The following PRKDC variants were observed in gnomAD, a reference collection of about 807,000 sequenced individuals.
PRKDC encodes the protein DNA-dependent protein kinase catalytic subunit.
Under a neutral mutation model 486.9 loss-of-function variants are expected in PRKDC, and 82 were observed. That is an observed-to-expected ratio of 0.17 (90% CI 0.14 to 0.20). PRKDC has a LOEUF of 0.20. Ranked by LOEUF, PRKDC falls within the 10% of genes least tolerant of loss-of-function variation. The pLI, the probability that PRKDC is intolerant of heterozygous loss-of-function variation, is 1.00. For synonymous variants in PRKDC, 1,895 were observed against 1,837.0 expected (o/e 1.03, Z -0.81); for missense variants, 4,504 against 5,038.2 (o/e 0.89, Z 3.21).
chr8:47,839,108 C>A, intron 56 of PRKDC, 40 bp downstream of exon 56: 1 of 1,470,746 alleles, frequency 6.8e-7, no homozygotes, highest in South Asian at 1.1e-5. Flanking sequence ...GAAAGCAATA[C>A]CCTTAACATT....
At chr8:47,850,047 T>C (rs1259440928) in intron 52 of PRKDC, among the ~76,000 whole-genome samples, 3 of 152,180 alleles carry the variant, frequency 2.0e-5, no homozygotes, top group Admixed American at 1.3e-4. Context: ...CTGTGTACCA[T>C]CTGTCTCCCC....
chr8:47,823,424 A>G (rs1302469836), intron 64 of PRKDC, among the ~76,000 whole-genome samples: 2 of 151,768 alleles, frequency 1.3e-5, no homozygotes, highest in Non-Finnish European at 2.9e-5. Flanking sequence ...ACCAATGCAT[A>G]AAAGCTTCCC....
intron 38 of PRKDC, among the ~76,000 whole-genome samples, chr8:47,881,005 C>T (rs1319395911): frequency 6.6e-6 from 1 of 150,742 alleles, no homozygotes; most frequent in Non-Finnish European, 1.5e-5. Context: ...CATGATTGTG[C>T]CACTGTACTT....
In PRKDC at chr8:47,954,350, T is replaced by A. The variant is rs756309544; in HGVS notation, c.496A>T (p.Ile166Leu). Residue 166 changes from isoleucine to leucine, a missense_variant, in exon 5 of 86, where the codon ATA (isoleucine) becomes TTA (leucine). Ile to Leu is a conservative substitution (Grantham distance 5, BLOSUM62 2). This residue lies in a region of PRKDC where 1,969 missense variants were observed against 2,068.9 expected (regional missense o/e 0.95). Transcript: ENST00000314191. ...FYGELALKKK[I>L]PDTVLEKVYE... ...AAATGCATCTCACCTGTATCTGGTA[T>A]TTTTTTTTTCAATGCAAGTTCTCCA... is the stretch of plus-strand genomic sequence containing the variant. The A allele has an allele frequency of 9.6e-7, 1 of 1,036,664 alleles. No homozygotes were observed. Among genetic ancestry groups the A allele is most frequent in the Non-Finnish European group, 1.3e-6 (1 of 756,160 alleles). The allele number at this position is 1,036,664 out of a possible 1,614,324, so 64.2% of individuals were successfully genotyped here. A position where few individuals can be genotyped will look rare whatever the true frequency, so the allele number is the denominator to read the frequency against.
chr8:47,860,489 G>A (rs1197764419), intron 45 of PRKDC, among the ~76,000 whole-genome samples: 1 of 152,174 alleles, frequency 6.6e-6, no homozygotes, highest in African/African-American at 2.4e-5. Context: ...CTGTCCTGCC[G>A]GAGATGGGAA....
intron 67 of PRKDC, among the ~76,000 whole-genome samples, chr8:47,819,123 T>C (rs1158155247): frequency 1.3e-5 from 2 of 152,220 alleles, no homozygotes; most frequent in African/African-American, 2.4e-5. Flanking sequence ...ACCATCCTTG[T>C]GGGCAGGTAT....
intron 21 of PRKDC, 42 bp from the exon 22 acceptor site, chr8:47,918,425 T>G: frequency 8.1e-7 from 1 of 1,235,784 alleles, no homozygotes; most frequent in Non-Finnish European, 1.1e-6. Context: ...TAGCACTCAT[T>G]CATTCATTTA....
At chr8:47,949,656 G>T (rs751543378) in intron 7 of PRKDC, among the ~76,000 whole-genome samples, 2 of 152,176 alleles carry the variant, frequency 1.3e-5, no homozygotes, top group Non-Finnish European at 2.9e-5. Flanking sequence ...ACAGAGGGGA[G>T]TACAGAGGCC....
chr8:47,894,363 A>G (rs1458568913), intron 30 of PRKDC, among the ~76,000 whole-genome samples: 1 of 152,214 alleles, frequency 6.6e-6, no homozygotes. Flanking sequence ...GAGACAAAGA[A>G]ATGTATAATA....
At chr8:47,781,239 C>T (rs2086694474) in intron 80 of PRKDC, among the ~76,000 whole-genome samples, 2 of 152,192 alleles carry the variant, frequency 1.3e-5, no homozygotes, top group South Asian at 4.1e-4. Context: ...GAAGCGTGCT[C>T]ATCAGTTGCC....
intron 7 of PRKDC, among the ~76,000 whole-genome samples, chr8:47,944,932 C>G (rs1297567579): frequency 6.6e-6 from 1 of 152,158 alleles, no homozygotes; most frequent in African/African-American, 2.4e-5. Flanking sequence ...ACAAAAAAAG[C>G]TACTTTGGAA....
rs569845413 is a variant in PRKDC, at chr8:47,782,455, C to A, written c.11319G>T (p.Gly3773=). ...RVEQLFQVMN[G]ILAQDSACSQ... ...TGCAGGCGGAGTCTTGGGCCAGGAT[C>A]CCATTCATGACCTGGAAGAGCTGCT... is the stretch of plus-strand genomic sequence containing the variant. The change falls in exon 79 of 86, where the codon GGG becomes GGT. Residue 3773 remains glycine, a synonymous_variant. Transcript: ENST00000314191. This position sits in a 1 kb window ranked among gnomAD's most constrained non-coding sequence, Gnocchi z 4.9. 4 of 1,593,620 alleles carry A rather than the reference C, an allele frequency of 2.5e-6. No homozygotes were observed. In the South Asian group the frequency reaches 3.4e-5, roughly 14 times the overall value.
At chr8:47,830,157 T>C (rs2087830358) in intron 61 of PRKDC, among the ~76,000 whole-genome samples, 1 of 152,190 alleles carries the variant, frequency 6.6e-6, no homozygotes, top group Non-Finnish European at 1.5e-5. Flanking sequence ...CCCATAATTA[T>C]ACCATAAAGA....
At chr8:47,831,355 C>T (rs894011287) in intron 60 of PRKDC, among the ~76,000 whole-genome samples, 10 of 152,224 alleles carry the variant, frequency 6.6e-5, no homozygotes, top group African/African-American at 1.9e-4. Context: ...CGTCCTACCC[C>T]CTTCTTACAA....
chr8:47,880,564 G>A (rs2089192349), intron 38 of PRKDC, among the ~76,000 whole-genome samples: 1 of 151,958 alleles, frequency 6.6e-6, no homozygotes, highest in Non-Finnish European at 1.5e-5. Flanking sequence ...ATTGTTCTAG[G>A]ACTTTAAAAT....
At chr8:47,938,240 C>G (rs1415311435) in intron 11 of PRKDC, among the ~76,000 whole-genome samples, 3 of 151,076 alleles carry the variant, frequency 2.0e-5, no homozygotes, top group Non-Finnish European at 2.9e-5. Flanking sequence ...AACCCTGTCT[C>G]TACTAAAAAT....
chr8:47,932,308 C>T (rs2090271414), intron 16 of PRKDC, among the ~76,000 whole-genome samples: 1 of 152,196 alleles, frequency 6.6e-6, no homozygotes, highest in Non-Finnish European at 1.5e-5. Context: ...TGGTCTCGAT[C>T]TCCTGACCTT....
intron 77 of PRKDC, 114 bp downstream of exon 77, chr8:47,784,999 A>G (rs1395385811): frequency 1.5e-5 from 16 of 1,067,468 alleles, no homozygotes; most frequent in Non-Finnish European, 2.2e-5. Context: ...AAAATTCTTT[A>G]AAAAAAGAAA....
At chr8:47,806,005 G>A (rs1263693671) in intron 69 of PRKDC, among the ~76,000 whole-genome samples, 2 of 152,124 alleles carry the variant, frequency 1.3e-5, no homozygotes, top group African/African-American at 4.8e-5. Context: ...CCTGATCCCG[G>A]TAAGGATGCA....
Sources: allele counts gnomAD v4.1 joint callset (sites outside exome capture counted in the v4.1 genomes callset), GRCh38; gene constraint gnomAD v4.1.1; regional missense constraint gnomAD v4.1.1; non-coding constraint Gnocchi (gnomAD v3.1); transcripts MANE v1.5; gene names NCBI Gene and HGNC (gene_info 2026-07-23, HGNC 2026-07-21).